Variants in NCALD observed in about 807,000 individuals in gnomAD.
NCALD encodes neurocalcin-delta.
A neutral mutation model predicts 18.6 loss-of-function variants in NCALD; 10 were observed. That is an observed-to-expected ratio of 0.54 (90% CI 0.33 to 0.91). The LOEUF is 0.91. Ranked by LOEUF, NCALD falls within the 40% of genes least tolerant of loss-of-function variation. NCALD has a pLI of 0.03. For missense variants in NCALD, 184 were observed against 247.6 expected (o/e 0.74, Z 1.72); for synonymous variants, 88 against 87.4 (o/e 1.01, Z -0.04).
At chr8:101,840,110 A>G (rs1167631571) in intron 4 of NCALD, among the ~76,000 whole-genome samples, 1 of 147,540 alleles carries the variant, frequency 6.8e-6, no homozygotes, top group Non-Finnish European at 1.5e-5. Flanking sequence ...TCCATAAGCA[A>G]CAAAATAAAA....
chr8:101,812,015 A>C (rs1307873604), intron 4 of NCALD, among the ~76,000 whole-genome samples: 1 of 152,214 alleles, frequency 6.6e-6, no homozygotes, highest in Non-Finnish European at 1.5e-5. Flanking sequence ...ATTTGTTCTC[A>C]GAATGGAGTG....
chr8:102,050,814 CATT>C (rs1311170579), intron 1 of NCALD, among the ~76,000 whole-genome samples: 1 of 138,808 alleles, frequency 7.2e-6, no homozygotes, highest in African/African-American at 2.6e-5. Flanking sequence ...TTAATTTAAT[CATT>C]TTTAATTTAA....
Position 101,689,711 on chromosome 8 carries a change from A to G in NCALD, c.485-305T>C, listed in dbSNP as rs563687577. Among the ~76,000 whole-genome samples the G allele has an allele frequency of 1.6e-3, 238 of 152,266 alleles. No homozygotes were observed. Among genetic ancestry groups the G allele is most frequent in the Non-Finnish European group, 2.4e-3 (162 of 68,016 alleles). ...GGGGAGAGGGTGGTGGATGATGCTG[A>G]CTTGGTCCCTGACCTCCTGGCTCCA... On this transcript the variant is annotated intron_variant, in intron 3 of 3. Coordinates refer to ENST00000220931, the MANE Select transcript of NCALD (RefSeq NM_032041.3). This position sits in a 1 kb window ranked among gnomAD's most constrained non-coding sequence, Gnocchi z 4.4.
At chr8:101,902,993 T>C (rs1160493596) in intron 3 of NCALD, among the ~76,000 whole-genome samples, 1 of 152,164 alleles carries the variant, frequency 6.6e-6, no homozygotes, top group Non-Finnish European at 1.5e-5. Context: ...AGAAGATCGA[T>C]TTTAAAGGCT....
chr8:102,078,759 A>G (rs1206973802), intron 1 of NCALD, among the ~76,000 whole-genome samples: 1 of 152,198 alleles, frequency 6.6e-6, no homozygotes, highest in Non-Finnish European at 1.5e-5. Flanking sequence ...GCAGCATGAC[A>G]TTCCCCCATC....
intron 3 of NCALD, among the ~76,000 whole-genome samples, chr8:101,897,214 C>T (rs1394762726): frequency 7.0e-5 from 10 of 142,738 alleles, no homozygotes; most frequent in South Asian, 4.7e-4. Context: ...ATGTCCTTTG[C>T]AGGGACATGG....
At chr8:102,031,540 T>C (rs6997533) in intron 1 of NCALD, among the ~76,000 whole-genome samples, 25,265 of 152,152 alleles carry the variant, frequency 0.17, 2,195 homozygotes, top group African/African-American at 0.18. Flanking sequence ...TTCATGATGC[T>C]ACATATTTGA....
intron 2 of NCALD, among the ~76,000 whole-genome samples, chr8:101,695,762 T>C (rs1424679164): frequency 6.6e-6 from 1 of 152,166 alleles, no homozygotes; most frequent in African/African-American, 2.4e-5. Context: ...GTTCTCCTTT[T>C]AGATGTGAGG....
At chr8:102,086,859 G>C (rs1356804913) in intron 1 of NCALD, among the ~76,000 whole-genome samples, 1 of 152,148 alleles carries the variant, frequency 6.6e-6, no homozygotes, top group African/African-American at 2.4e-5. Context: ...TTGCAGTAAA[G>C]AAAAGCCAGC....
At chr8:102,030,870 C>T (rs1278978447) in intron 1 of NCALD, among the ~76,000 whole-genome samples, 1 of 146,022 alleles carries the variant, frequency 6.8e-6, no homozygotes, top group African/African-American at 2.6e-5. Flanking sequence ...AGTGAGACTC[C>T]ATCACAAAAA....
chr8:101,994,267 G>T (rs760628837), intron 2 of NCALD, among the ~76,000 whole-genome samples: 1 of 152,134 alleles, frequency 6.6e-6, no homozygotes, highest in Non-Finnish European at 1.5e-5. Context: ...TGCAAGGGGC[G>T]ACTGTGAAGT....
chr8:101,975,115 C>T (rs1273589523), intron 2 of NCALD: 1 of 152,066 alleles, frequency 6.6e-6, no homozygotes, highest in Non-Finnish European at 1.5e-5. Context: ...GCCCAGTGAC[C>T]CCTTTGGCTC....
At chr8:101,843,254 A>G (rs770437083) in intron 4 of NCALD, among the ~76,000 whole-genome samples, 1 of 152,262 alleles carries the variant, frequency 6.6e-6, no homozygotes, top group Non-Finnish European at 1.5e-5. Flanking sequence ...TTGTAGGAAG[A>G]GTACACAATA....
intron 3 of NCALD, among the ~76,000 whole-genome samples, chr8:101,891,521 A>G (rs55939093): frequency 0.068 from 10,289 of 152,302 alleles, 726 homozygotes; most frequent in African/African-American, 0.18. Context: ...CAAGATGGCC[A>G]AATAGGAACA....
At chr8:101,905,998 A>T (rs754663193) in intron 3 of NCALD, among the ~76,000 whole-genome samples, 10 of 152,218 alleles carry the variant, frequency 6.6e-5, no homozygotes, top group Non-Finnish European at 1.5e-4. Context: ...AAATCCATGA[A>T]TCATTTATGT....
intron 4 of NCALD, among the ~76,000 whole-genome samples, chr8:101,886,159 G>A (rs573904484): frequency 2.0e-4 from 31 of 152,274 alleles, no homozygotes; most frequent in African/African-American, 7.5e-4. Flanking sequence ...AGAAGGACTG[G>A]ACTACCAAAT....
At chr8:102,106,102 C>T (rs1179119021) in intron 1 of NCALD, among the ~76,000 whole-genome samples, 1 of 150,706 alleles carries the variant, frequency 6.6e-6, no homozygotes, top group Admixed American at 6.6e-5. Flanking sequence ...TGGAGTTTCA[C>T]GCTGTCAACC....
chr8:101,903,197 A>AT (rs5893589), intron 3 of NCALD, among the ~76,000 whole-genome samples: 6,070 of 141,020 alleles, frequency 0.043, 229 homozygotes, highest in African/African-American at 0.1. Context: ...ACTTTTAGGA[A>AT]TTTTTTTTTT....
At position 102,116,424 on chromosome 8, in the gene NCALD, T is replaced by C. The variant is rs146854357; in HGVS notation, c.-210+7813A>G. On this transcript the variant is annotated intron_variant, in intron 1 of 6. Transcript: ENST00000311028. ...AGCTCTGTCATGGATTGAATGGTGGTGACCCCCAAAAAAAGTATGTCCAAG... is the reference window on the plus strand; with the variant it reads ...AGCTCTGTCATGGATTGAATGGTGGCGACCCCCAAAAAAAGTATGTCCAAG... Among the ~76,000 whole-genome samples the C allele has an allele frequency of 8.3e-4, 127 of 152,286 alleles. 1 individual carries two copies. Among genetic ancestry groups the C allele is most frequent in the African/African-American group, 2.8e-3 (118 of 41,568 alleles).
Sources: gnomAD v4.1 joint callset for allele counts (sites outside exome capture counted in the v4.1 genomes callset) on GRCh38, gnomAD v4.1.1 for gene constraint, Gnocchi (gnomAD v3.1) non-coding constraint, MANE v1.5 for transcripts, NCBI Gene and HGNC (gene_info 2026-07-23, HGNC 2026-07-21) for gene names.